Variants in FANCE observed in about 807,000 individuals in gnomAD.
FANCE encodes the protein Fanconi anemia group E protein.
A neutral mutation model predicts 57.8 loss-of-function variants in FANCE; 42 were observed. That is an observed-to-expected ratio of 0.73 (90% confidence interval 0.57 to 0.94). The LOEUF (loss-of-function observed/expected upper bound fraction) is 0.94, where lower values mean the gene tolerates loss of function less well. Ranked by LOEUF, FANCE falls within the 40% of genes least tolerant of loss-of-function variation. The probability of loss-of-function intolerance (pLI) is 0.00; values close to 1 mark genes in which losing one functional copy is unlikely to be tolerated. For missense variants in FANCE, 608 were observed against 661.8 expected (o/e 0.92, Z 0.89); for synonymous variants, 251 against 286.4 (o/e 0.88, Z 1.25).
At chr6:35,464,728 CTTT>C (rs59541412) in intron 9 of FANCE, among the ~76,000 whole-genome samples, 5,892 of 107,242 alleles carry the variant, frequency 0.055, 104 homozygotes, top group East Asian at 0.14. Flanking sequence ...GAGAGATATT[CTTT>C]TTTTTTTTTT....
At position 35,466,350 on chromosome 6, in the gene FANCE, C is replaced by T. The variant is rs1031726320; in HGVS notation, c.*5C>T. On this transcript the variant is annotated 3_prime_UTR_variant, in exon 10 of 10. Coordinates refer to ENST00000229769, the MANE Select transcript of FANCE (RefSeq NM_021922.3). ...TTGAAACATTTGGGCCCCTGACCAT[C>T]CACCAAGGGACCACCCTCTTGGTGC... 1 of 1,586,720 alleles carries T rather than the reference C, an allele frequency of 6.3e-7. No homozygotes were observed. The highest frequency in any genetic ancestry group is 8.7e-7 in the Non-Finnish European group (1 of 1,155,018).
At chr6:35,454,852 T>C (rs1458364497) in intron 1 of FANCE, among the ~76,000 whole-genome samples, 1 of 152,246 alleles carries the variant, frequency 6.6e-6, no homozygotes, top group Non-Finnish European at 1.5e-5. Context: ...ACAGCAGCTC[T>C]TGCTGATCTC....
rs1388593385 is a variant in FANCE at position 35,459,761 on chromosome 6, G to T, written c.1316+1G>T. 2 of 1,613,978 alleles carry T rather than the reference G, an allele frequency of 1.2e-6. No homozygotes were observed. The highest frequency in any genetic ancestry group is 1.1e-5 in the South Asian group (1 of 91,086). The stretch of plus-strand genomic sequence containing the variant: ...CAGATGCACAGGTTCTAATGCTGGG[G>T]TGAGTGTGCAGGCCTCCGTGCTGTC... On this transcript the variant is annotated splice_donor_variant, in intron 7 of 9. Transcript: ENST00000229769. LOFTEE classifies it high-confidence loss of function.
chr6:35,454,306 G>A (rs927808184), intron 1 of FANCE, among the ~76,000 whole-genome samples: 1 of 152,164 alleles, frequency 6.6e-6, no homozygotes, highest in African/African-American at 2.4e-5. Context: ...CCCACCTCGT[G>A]ATCCACCTAC....
chr6:35,455,772 C>G lies in FANCE; in HGVS notation c.274C>G (p.Arg92Gly), dbSNP rs375195621. The G allele has an allele frequency of 1.9e-6, 3 of 1,614,112 alleles. No individual in the cohort carries two copies. The highest frequency in any genetic ancestry group is 2.5e-6 in the Non-Finnish European group (3 of 1,180,040). The change falls in exon 2 of 10, where the codon CGG becomes GGG. Residue 92 changes from arginine to glycine, a missense_variant. Coordinates refer to ENST00000229769, the MANE Select transcript of FANCE (RefSeq NM_021922.3). The stretch of plus-strand genomic sequence containing the variant: ...GAAACCACTGTTGCTGCGATTGCCC[C>G]GGATATGCCAGAGGAACCTGATGTC... Reference protein sequence around the residue: ...ELKPLLLRLPRICQRNLMSLL... With the variant: ...ELKPLLLRLPGICQRNLMSLL...
At chr6:35,460,718 T>A in intron 8 of FANCE, 100 bp downstream of exon 8, 1 of 1,088,614 alleles carries the variant, frequency 9.2e-7, no homozygotes, top group Non-Finnish European at 1.4e-6. Context: ...GCATGGAGGG[T>A]CAAGCAGGAC....
rs1478039674 is a variant in FANCE, at chr6:35,455,402, G to T, written c.249-345G>T. Reference sequence around the variant, plus strand: ...GGCTCACTGCAACCTCTGACTCCCGGGTTCAAGCGATTCTCCTGCCTCAGC... The same window carrying T: ...GGCTCACTGCAACCTCTGACTCCCGTGTTCAAGCGATTCTCCTGCCTCAGC... On this transcript the variant is annotated intron_variant, in intron 1 of 9. Transcript: ENST00000229769. 2.0e-5 allele frequency among the ~76,000 whole-genome samples: 3 copies of T among 152,042 alleles called. No homozygotes were observed. The South Asian group carries it at 6.2e-4, about 32-fold the overall frequency.
At chr6:35,464,516 T>C (rs1370694196) in intron 9 of FANCE, among the ~76,000 whole-genome samples, 1 of 150,722 alleles carries the variant, frequency 6.6e-6, no homozygotes, top group Admixed American at 6.6e-5. Flanking sequence ...GGATTACAGG[T>C]GTGAGCCACC....
At chr6:35,455,078 C>T (rs1767271326) in intron 1 of FANCE, among the ~76,000 whole-genome samples, 1 of 152,170 alleles carries the variant, frequency 6.6e-6, no homozygotes, top group African/African-American at 2.4e-5. Flanking sequence ...CAAGACTAAG[C>T]ACTGCACAGC....
chr6:35,459,546 T>C lies in FANCE; in HGVS notation c.1237+92T>C, dbSNP rs1018544806. 13 of 1,600,858 alleles carry C rather than the reference T, an allele frequency of 8.1e-6. No homozygotes were observed. The Admixed American group carries it at 1.8e-4, about 23-fold the overall frequency. On this transcript the variant is annotated intron_variant, in intron 6 of 9. Transcript: ENST00000229769. ...GAGTGGCCCTGGCAGGAGTTGGGTATTCAGTGATTAAAGATGCCTGCTGCT... is the reference window on the plus strand; with the variant it reads ...GAGTGGCCCTGGCAGGAGTTGGGTACTCAGTGATTAAAGATGCCTGCTGCT...
Position 35,456,240 on chromosome 6 carries a change from G to C in FANCE, c.742G>C (p.Ala248Pro). 1 of 1,614,208 alleles carries C rather than the reference G, an allele frequency of 6.2e-7. No homozygotes were observed. The highest frequency in any genetic ancestry group is 1.1e-5 in the South Asian group (1 of 91,088). Reference protein sequence around the residue: ...SLESLADGGSASPIKDQPVMA... With the variant: ...SLESLADGGSPSPIKDQPVMA... ...GGAATCCCTGGCAGATGGAGGAAGTGCATCTCCTATTAAGGACCAGCCTGT... is the reference window on the plus strand; with the variant it reads ...GGAATCCCTGGCAGATGGAGGAAGTCCATCTCCTATTAAGGACCAGCCTGT... Residue 248 changes from alanine (A) to proline (P), a missense_variant, in exon 2 of 10, where the codon GCA becomes CCA. Physicochemically the swap from Ala to Pro is conservative, Grantham distance 27 (BLOSUM62 -1). Transcript: ENST00000229769. The surrounding 1 kb of genome is among the most constrained non-coding windows in gnomAD (Gnocchi z 4.3).
At chr6:35,455,610 C>A in intron 1 of FANCE, 137 bp from the exon 2 acceptor site, 1 of 1,062,600 alleles carries the variant, frequency 9.4e-7, no homozygotes, top group Non-Finnish European at 1.4e-6. Flanking sequence ...CACACCTGGC[C>A]AACATCCACT....
Position 35,462,887 on chromosome 6 carries a change from G to A in FANCE, c.1482G>A (p.Leu494=). The change falls in exon 9 of 10, where the codon CTG becomes CTA. Residue 494 remains leucine (L), a synonymous_variant. Transcript: ENST00000229769. Reference sequence around the variant, plus strand: ...CCATGGCCTATGCCAAGCTCATGCTGACAGTGATGACCAAGTATCAGGCTA... The same window carrying A: ...CCATGGCCTATGCCAAGCTCATGCTAACAGTGATGACCAAGTATCAGGCTA... The part of the protein sequence containing the change: ...TTSMAYAKLM[L]TVMTKYQANI... The A allele has an allele frequency of 6.2e-7, 1 of 1,614,234 alleles. No homozygotes were observed. Among genetic ancestry groups the A allele is most frequent in the Admixed American group, 1.7e-5 (1 of 60,032 alleles).
rs559999264 is a variant in FANCE, at chr6:35,466,667, C to T, written c.*322C>T. The T allele has an allele frequency of 7.7e-5, 33 of 427,038 alleles. No homozygotes were observed. In the East Asian group the frequency reaches 1.2e-3, roughly 16 times the overall value. The allele number at this position is 427,038 out of a possible 1,614,324, so 26.5% of individuals were successfully genotyped here. A position where few individuals can be genotyped will look rare whatever the true frequency, so the allele number is the denominator to read the frequency against. ...CACTGTAACCTCTGCCTCCCAGGCT[C>T]GATCCTCCCATGTCAGCCTCCCAAG... On this transcript the variant is annotated 3_prime_UTR_variant, in exon 10 of 10. Transcript: ENST00000229769.
intron 8 of FANCE, among the ~76,000 whole-genome samples, 193 bp downstream of exon 8, chr6:35,460,811 A>T (rs1767558953): frequency 6.6e-6 from 1 of 152,182 alleles, no homozygotes; most frequent in East Asian, 1.9e-4. Context: ...GCACATGGTC[A>T]CTTCAGCTCC....
chr6:35,462,117 A>ATTTT (rs1554122312), intron 8 of FANCE, among the ~76,000 whole-genome samples: 71 of 149,870 alleles, frequency 4.7e-4, no homozygotes, highest in Non-Finnish European at 7.0e-4. Flanking sequence ...AATAATTATT[A>ATTTT]TTTTTTTTGA....
At chr6:35,462,101 A>AATT (rs1422662717) in intron 8 of FANCE, among the ~76,000 whole-genome samples, 1 of 123,082 alleles carries the variant, frequency 8.1e-6, no homozygotes, top group African/African-American at 5.9e-5. Flanking sequence ...TTTATTAAAT[A>AATT]ATAATAATAA....
At chr6:35,462,145 T>A (rs1245873030) in intron 8 of FANCE, among the ~76,000 whole-genome samples, 26 of 151,772 alleles carry the variant, frequency 1.7e-4, no homozygotes, top group Admixed American at 1.7e-3. Flanking sequence ...TCTCACTCTA[T>A]CACCCAGGCT....
rs748221338 is a variant in FANCE at position 35,460,582 on chromosome 6, A to T, written c.1347A>T (p.Glu449Asp). The part of the protein sequence containing the change: ...GQILELPWKE[E>D]TFLVLQSLLE... Reference sequence around the variant, plus strand: ...TCTTGGAGCTGCCCTGGAAGGAGGAAACTTTCTTGGTGTTGCAGTCACTCC... The same window carrying T: ...TCTTGGAGCTGCCCTGGAAGGAGGATACTTTCTTGGTGTTGCAGTCACTCC... Residue 449 changes from glutamate to aspartate, a missense_variant, in exon 8 of 10, where the codon GAA becomes GAT. Physicochemically the swap from Glu to Asp is conservative, Grantham distance 45 (BLOSUM62 2). Coordinates refer to ENST00000229769, the MANE Select transcript of FANCE (RefSeq NM_021922.3). 2.5e-6 allele frequency: 4 copies of T among 1,614,056 alleles called. No homozygotes were observed. In the Admixed American group the frequency reaches 6.7e-5, roughly 27 times the overall value.
Sources: allele counts gnomAD v4.1 joint callset (sites outside exome capture counted in the v4.1 genomes callset), GRCh38; gene constraint gnomAD v4.1.1; non-coding constraint Gnocchi (gnomAD v3.1); transcripts MANE v1.5; gene names NCBI Gene and HGNC (gene_info 2026-07-23, HGNC 2026-07-21).